MCC: variants seen among roughly 807,000 people sequenced by gnomAD.
MCC encodes the protein colorectal mutant cancer protein.
MCC carries 90 observed loss-of-function variants against 116.2 expected under a neutral mutation model. The observed-to-expected ratio is 0.77, with a 90% CI of 0.65 to 0.92. MCC has a LOEUF of 0.92. MCC is among the 40% of genes least tolerant of loss of function. The pLI is 0.00. For synonymous variants in MCC, 578 were observed against 510.5 expected (o/e 1.13, Z -1.78); for missense variants, 1,516 against 1,312.2 (o/e 1.16, Z -2.40).
chr5:113,360,489 T>C (rs1768519759), intron 2 of MCC, among the ~76,000 whole-genome samples: 1 of 152,208 alleles, frequency 6.6e-6, no homozygotes, highest in African/African-American at 2.4e-5. Context: ...GTTTCCATCT[T>C]AGGTTATGTG....
Position 113,310,362 on chromosome 5 carries a change from C to G in MCC, c.627+30157G>C, listed in dbSNP as rs796987428. Among the ~76,000 whole-genome samples, 13 of 152,328 alleles carry G rather than the reference C, an allele frequency of 8.5e-5. 1 individual carries two copies. Among genetic ancestry groups the G allele is most frequent in the African/African-American group, 3.1e-4 (13 of 41,588 alleles). On this transcript the variant is annotated intron_variant, in intron 3 of 18. Transcript: ENST00000408903. The stretch of plus-strand genomic sequence containing the variant: ...GCCAACTTGGAAGCAGAGAGCAGCC[C>G]TTACCAGCTACCAATCCTTCTAGCG...
intron 6 of MCC, among the ~76,000 whole-genome samples, chr5:113,119,728 G>A (rs1757625042): frequency 6.6e-6 from 1 of 152,186 alleles, no homozygotes; most frequent in African/African-American, 2.4e-5. Context: ...CTATGTGTGG[G>A]CAGAGAACAT....
intron 2 of MCC, among the ~76,000 whole-genome samples, chr5:113,380,602 C>T (rs1005825684): frequency 1.3e-5 from 2 of 152,100 alleles, no homozygotes; most frequent in African/African-American, 4.8e-5. Context: ...ACATGACAAT[C>T]AACGTCATTA....
At chr5:113,315,744 G>T (rs1440077428) in intron 3 of MCC, among the ~76,000 whole-genome samples, 1 of 151,182 alleles carries the variant, frequency 6.6e-6, no homozygotes, top group African/African-American at 2.4e-5. Flanking sequence ...AGGCATTGTG[G>T]TGTGCATCTG....
intron 5 of MCC, among the ~76,000 whole-genome samples, chr5:113,140,827 G>C (rs1392605623): frequency 6.6e-6 from 1 of 152,170 alleles, no homozygotes; most frequent in East Asian, 1.9e-4. Flanking sequence ...GTATGCTAGG[G>C]CAGTTAGAGT....
At chr5:113,273,572 A>C (rs1765691888) in intron 3 of MCC, among the ~76,000 whole-genome samples, 2 of 152,174 alleles carry the variant, frequency 1.3e-5, no homozygotes, top group African/African-American at 4.8e-5. Flanking sequence ...GGGGAAGCAA[A>C]ACATGAGAAA....
At chr5:113,069,406 T>A (rs1580980590) in intron 12 of MCC, among the ~76,000 whole-genome samples, 1 of 152,322 alleles carries the variant, frequency 6.6e-6, no homozygotes, top group East Asian at 1.9e-4. Context: ...GTGGCCCACG[T>A]CCACACAAGA....
chr5:113,171,746 G>T (rs1387610010), intron 3 of MCC, among the ~76,000 whole-genome samples: 2 of 152,122 alleles, frequency 1.3e-5, no homozygotes, highest in Admixed American at 1.3e-4. Context: ...CAGCCTCCAA[G>T]AACGGAAGCA....
At chr5:113,168,491 G>A (rs1193083897) in intron 3 of MCC, among the ~76,000 whole-genome samples, 2 of 152,144 alleles carry the variant, frequency 1.3e-5, no homozygotes, top group Non-Finnish European at 2.9e-5. Flanking sequence ...AAGATGAGCT[G>A]TGCTACATAA....
intron 11 of MCC, among the ~76,000 whole-genome samples, chr5:113,081,033 G>C (rs765640631): frequency 7.2e-5 from 11 of 152,094 alleles, no homozygotes; most frequent in Non-Finnish European, 1.5e-4. Context: ...GCTTAACACA[G>C]ATTTGCTAAA....
At chr5:113,084,011 T>A in intron 10 of MCC, 90 bp downstream of exon 10, 1 of 973,182 alleles carries the variant, frequency 1.0e-6, no homozygotes, top group South Asian at 1.4e-5. Context: ...TTATTGGAGA[T>A]AGACTTTGGA....
At chr5:113,132,255 C>T (rs2150277663) in intron 5 of MCC, among the ~76,000 whole-genome samples, 1 of 151,218 alleles carries the variant, frequency 6.6e-6, no homozygotes, top group African/African-American at 2.4e-5. Context: ...GACAAACCCA[C>T]CTAGATATCA....
At chr5:113,104,953 A>T (rs1756645613) in intron 6 of MCC, among the ~76,000 whole-genome samples, 1 of 152,242 alleles carries the variant, frequency 6.6e-6, no homozygotes, top group Admixed American at 6.5e-5. Flanking sequence ...ACATAAGGCA[A>T]CCAATTCTAA....
At chr5:113,427,028 T>C (rs1045059711) in intron 1 of MCC, among the ~76,000 whole-genome samples, 7 of 152,126 alleles carry the variant, frequency 4.6e-5, no homozygotes, top group Non-Finnish European at 1.0e-4. Flanking sequence ...TCTTATCACA[T>C]CCTAATTGAT....
chr5:113,486,765 C>T (rs1309301084), intron 1 of MCC, among the ~76,000 whole-genome samples: 1 of 151,764 alleles, frequency 6.6e-6, no homozygotes, highest in African/African-American at 2.4e-5. Flanking sequence ...ATCTCTTGAA[C>T]CAGGAGGCGG....
chr5:113,201,961 G>A (rs552413501), intron 3 of MCC, among the ~76,000 whole-genome samples: 116 of 152,140 alleles, frequency 7.6e-4, no homozygotes, highest in South Asian at 3.1e-3. Flanking sequence ...AGCAAGGAAC[G>A]ACCCCACAAC....
At chr5:113,111,706 T>C (rs569651200) in intron 6 of MCC, among the ~76,000 whole-genome samples, 172 of 152,324 alleles carry the variant, frequency 1.1e-3, no homozygotes, top group African/African-American at 3.9e-3. Context: ...ACTGGTATCG[T>C]TACACGTCAT....
intron 3 of MCC, among the ~76,000 whole-genome samples, chr5:113,194,615 A>C (rs1762304160): frequency 6.6e-6 from 1 of 152,098 alleles, no homozygotes; most frequent in African/African-American, 2.4e-5. Flanking sequence ...CCAAGATTAC[A>C]TCACTGCACT....
At chr5:113,242,907 G>A (rs530714364) in intron 3 of MCC, among the ~76,000 whole-genome samples, 2 of 152,204 alleles carry the variant, frequency 1.3e-5, no homozygotes, top group South Asian at 2.1e-4. Context: ...TGGGTGATAG[G>A]AGCCAGTGGT....
Sources: allele counts gnomAD v4.1 joint callset (sites outside exome capture counted in the v4.1 genomes callset), GRCh38; gene constraint gnomAD v4.1.1; transcripts MANE v1.5; gene names NCBI Gene and HGNC (gene_info 2026-07-23, HGNC 2026-07-21).